HERC1: variants seen among roughly 807,000 people sequenced by gnomAD.
HERC1 encodes HECT and RLD domain containing E3 ubiquitin protein ligase family member 1.
In HERC1, 160 loss-of-function variants were observed where a neutral mutation model predicts 554.3. The observed-to-expected ratio is 0.29, with a 90% CI of 0.25 to 0.33. HERC1 has a LOEUF of 0.33. Among genes scored for constraint, HERC1 ranks in the 10% least tolerant of loss-of-function variants. The pLI is 1.00. For synonymous variants in HERC1, 2,175 were observed against 2,131.7 expected (o/e 1.02, Z -0.56); for missense variants, 4,919 against 5,918.5 (o/e 0.83, Z 5.54).
intron 2 of HERC1, among the ~76,000 whole-genome samples, chr15:63,772,355 C>A (rs1036384652): frequency 6.6e-6 from 1 of 151,958 alleles, no homozygotes; most frequent in Admixed American, 6.6e-5. Flanking sequence ...ACACCATTGG[C>A]AAACATTTAA....
intron 58 of HERC1, 114 bp downstream of exon 58, chr15:63,643,290 A>T: frequency 1.1e-6 from 1 of 946,666 alleles, no homozygotes; most frequent in Non-Finnish European, 1.6e-6. Flanking sequence ...AAGTTTCCTC[A>T]GTATTCAAGA....
At chr15:63,616,766 T>C (rs1173811010) in intron 74 of HERC1, 84 bp from the exon 75 acceptor site, 4 of 1,209,896 alleles carry the variant, frequency 3.3e-6, no homozygotes, top group Middle Eastern at 2.2e-4. Flanking sequence ...ATAGCGTTAG[T>C]CTATACCTGT....
At chr15:63,781,077 A>C (rs2076274968) in intron 1 of HERC1, among the ~76,000 whole-genome samples, 1 of 152,226 alleles carries the variant, frequency 6.6e-6, no homozygotes, top group Non-Finnish European at 1.5e-5. Flanking sequence ...GTTAGGTAAT[A>C]AATGGGACAA....
At chr15:63,657,863 C>T (rs1367034988) in intron 48 of HERC1, among the ~76,000 whole-genome samples, 1 of 152,064 alleles carries the variant, frequency 6.6e-6, no homozygotes, top group African/African-American at 2.4e-5. Context: ...CCATCAGACC[C>T]TGCTTCAGTT....
Position 63,645,624 on chromosome 15 carries a change from T to C in HERC1, c.10937A>G (p.Lys3646Arg), listed in dbSNP as rs1391175236. The C allele has an allele frequency of 1.9e-6, 3 of 1,611,876 alleles. No homozygotes were observed. The highest frequency in any genetic ancestry group is 1.1e-5 in the South Asian group (1 of 90,604). The change falls in exon 56 of 78, where the codon AAA becomes AGA. Residue 3646 changes from lysine to arginine, a missense_variant. Coordinates refer to ENST00000443617, the MANE Select transcript of HERC1 (RefSeq NM_003922.4). ...PTGHILMTCA[K>R]EDSVKLWGSI... ...GCCCCAGAGTTTCACACTGTCTTCTTTGGCACATGTCATAAGAATATGACC... is the reference window on the plus strand; with the variant it reads ...GCCCCAGAGTTTCACACTGTCTTCTCTGGCACATGTCATAAGAATATGACC...
Position 63,797,840 on chromosome 15 carries a change from T to C in HERC1, c.-26-22191A>G, listed in dbSNP as rs146303170. 8.4e-3 allele frequency among the ~76,000 whole-genome samples: 1,281 copies of C among 152,316 alleles called. 11 individuals carry two copies. Among genetic ancestry groups the C allele is most frequent in the Non-Finnish European group, 0.014 (937 of 68,034 alleles). On this transcript the variant is annotated intron_variant, in intron 1 of 77. Coordinates refer to ENST00000443617, the MANE Select transcript of HERC1 (RefSeq NM_003922.4). ...ATTATCACAAAAATCCGTAAGATAG[T>C]TATTAATAACATAAAACAATTTTCA...
At chr15:63,669,510 A>G (rs934376331) in intron 40 of HERC1, 28 bp downstream of exon 40, 6 of 1,603,556 alleles carry the variant, frequency 3.7e-6, no homozygotes, top group African/African-American at 1.3e-5. Context: ...CCAACTTTGG[A>G]TATCATAGTG....
At position 63,632,738 on chromosome 15, in the gene HERC1, T is replaced by G; in HGVS notation, c.12767A>C (p.Lys4256Thr). The change falls in exon 68 of 78, where the codon AAA (lysine) becomes ACA (threonine). Residue 4256 changes from lysine (K) to threonine (T), a missense_variant. Lys to Thr is a moderately conservative substitution (Grantham distance 78). Around this residue, in one of 11 missense-constraint regions of HERC1, gnomAD observed 410 missense variants for 467.0 expected, o/e 0.88. Coordinates refer to ENST00000443617, the MANE Select transcript of HERC1 (RefSeq NM_003922.4). ...ACCAAAGGTATACACATGACCATCT[T>G]TGGTCAAAGCAACAGAAAACTGAGT... ...CGTQFSVALT[K>T]DGHVYTFGQD... The G allele has an allele frequency of 6.4e-7, 1 of 1,565,204 alleles. No homozygotes were observed. The highest frequency in any genetic ancestry group is 1.2e-5 in the South Asian group (1 of 85,036).
intron 22 of HERC1, among the ~76,000 whole-genome samples, chr15:63,715,416 G>C (rs1415620862): frequency 1.3e-5 from 2 of 152,152 alleles, no homozygotes; most frequent in South Asian, 4.1e-4. Context: ...AGTTCCCTCA[G>C]CCTAGGTTTT....
In HERC1 at chr15:63,674,416, C is replaced by T. The variant is rs2071095258; in HGVS notation, c.7772G>A (p.Arg2591Gln). The T allele has an allele frequency of 5.6e-6, 9 of 1,613,844 alleles. No individual in the cohort carries two copies. Among genetic ancestry groups the T allele is most frequent in the Non-Finnish European group, 7.6e-6 (9 of 1,179,852 alleles). Reference sequence around the variant, plus strand: ...TAATTTATAGATCATGGCTTGCGCTCGTTCCAGATCAGCTAATCCCAATGC... The same window carrying T: ...TAATTTATAGATCATGGCTTGCGCTTGTTCCAGATCAGCTAATCCCAATGC... ...KRALGLADLE[R>Q]AQAMIYKLVV... The change falls in exon 38 of 78, where the codon CGA (arginine) becomes CAA (glutamine). Residue 2591 changes from arginine (R) to glutamine (Q), a missense_variant. Physicochemically the swap from Arg to Gln is conservative, Grantham distance 43 (BLOSUM62 1). Transcript: ENST00000443617.
chr15:63,755,164 C>T (rs1033702496), intron 6 of HERC1, 65 bp downstream of exon 6: 1 of 1,108,794 alleles, frequency 9.0e-7, no homozygotes, highest in South Asian at 1.3e-5. Flanking sequence ...GCTCTCACGG[C>T]TTCTCAGTAA....
At chr15:63,637,903 G>T (rs1389361036) in intron 63 of HERC1, among the ~76,000 whole-genome samples, 1 of 152,174 alleles carries the variant, frequency 6.6e-6, no homozygotes, top group Admixed American at 6.5e-5. Context: ...AAAGGAAGGG[G>T]TGATGGGGAA....
rs2071116544 is a variant in HERC1, at chr15:63,674,892, A to T, written c.7296T>A (p.Pro2432=). 2 of 1,613,994 alleles carry T rather than the reference A, an allele frequency of 1.2e-6. No homozygotes were observed. Among genetic ancestry groups the T allele is most frequent in the African/African-American group, 1.3e-5 (1 of 75,058 alleles). Residue 2432 remains proline (P), a synonymous_variant, in exon 38 of 78, where the codon CCT becomes CCA. Coordinates refer to ENST00000443617, the MANE Select transcript of HERC1 (RefSeq NM_003922.4). ...GCATATCTAAAGCGGATTCACTCTCAGGTTTCTGCTCAACATCCCCTTTCT... is the reference window on the plus strand; with the variant it reads ...GCATATCTAAAGCGGATTCACTCTCTGGTTTCTGCTCAACATCCCCTTTCT... The part of the protein sequence containing the change: ...SEEKGDVEQK[P]ESESALDMRT...
chr15:63,816,016 C>A (rs1036469023), intron 1 of HERC1, among the ~76,000 whole-genome samples: 4 of 152,086 alleles, frequency 2.6e-5, no homozygotes, highest in Non-Finnish European at 5.9e-5. Flanking sequence ...TACCTCCCAC[C>A]GGGTCCCTCC....
At chr15:63,791,172 T>C (rs1034328158) in intron 1 of HERC1, among the ~76,000 whole-genome samples, 1 of 152,142 alleles carries the variant, frequency 6.6e-6, no homozygotes, top group African/African-American at 2.4e-5. Context: ...ATCAACCTTC[T>C]CCCCCAGACA....
intron 51 of HERC1, among the ~76,000 whole-genome samples, chr15:63,653,394 G>T (rs2069815897): frequency 6.7e-6 from 1 of 148,912 alleles, no homozygotes; most frequent in Admixed American, 6.7e-5. Context: ...AGTGAGCCGA[G>T]ATCTCACCAC....
rs758309956 is a variant in HERC1 at position 63,833,605 on chromosome 15, G to A, written c.-27+222C>T. ...GCCCGGGCGGCAGGAGGCCTCTAGA[G>A]CCGGGGACCCGGGGGATCCGCGGCG... On this transcript the variant is annotated intron_variant, in intron 1 of 77. Transcript: ENST00000443617. Among the ~76,000 whole-genome samples the A allele has an allele frequency of 2.6e-5, 4 of 152,018 alleles. No individual in the cohort carries two copies. The Middle Eastern group carries it at 0.014, about 521-fold the overall frequency.
chr15:63,641,189 T>C (rs777240618), intron 60 of HERC1, among the ~76,000 whole-genome samples: 4 of 152,212 alleles, frequency 2.6e-5, no homozygotes, highest in South Asian at 2.1e-4. Context: ...TTCTGCTGCA[T>C]AGGTATTTTA....
intron 12 of HERC1, among the ~76,000 whole-genome samples, chr15:63,741,401 T>G (rs775848319): frequency 1.1e-4 from 16 of 152,108 alleles, no homozygotes; most frequent in Middle Eastern, 3.4e-3. Context: ...CTCAGCTCAC[T>G]GCAACCTCCG....
Sources: allele counts gnomAD v4.1 joint callset (sites outside exome capture counted in the v4.1 genomes callset), GRCh38; gene constraint gnomAD v4.1.1; regional missense constraint gnomAD v4.1.1; transcripts MANE v1.5; gene names NCBI Gene and HGNC (gene_info 2026-07-23, HGNC 2026-07-21).